The following IL1RAPL1 variants were observed in gnomAD, a reference collection of about 807,000 sequenced individuals.
IL1RAPL1 encodes the protein interleukin 1 receptor accessory protein like 1, also known as interleukin-1 receptor accessory protein-like 1.
Under a neutral mutation model 48.4 loss-of-function variants are expected in IL1RAPL1, and 3 were observed. The ratio of observed to expected loss-of-function variants is 0.06; its 90% CI spans 0.03 to 0.16. The LOEUF is 0.16. IL1RAPL1 is among the 10% of genes least tolerant of loss of function. IL1RAPL1 has a pLI of 1.00. For missense variants in IL1RAPL1, 349 were observed against 530.6 expected (o/e 0.66, Z 3.36); for synonymous variants, 185 against 187.7 (o/e 0.99, Z 0.12).
intron 3 of IL1RAPL1, among the ~76,000 whole-genome samples, chrX:29,371,916 C>CT (rs936720600): frequency 2.7e-5 from 3 of 111,965 alleles, no homozygotes; most frequent in Non-Finnish European, 3.8e-5. Context: ...GTGCATGTGT[C>CT]TTTTTGGTAG....
intron 2 of IL1RAPL1, among the ~76,000 whole-genome samples, chrX:28,920,066 TACA>T (rs771032356): frequency 8.9e-6 from 1 of 112,176 alleles, no homozygotes; most frequent in Admixed American, 9.5e-5. Flanking sequence ...GGATACAATG[TACA>T]ACATCAGATA....
intron 2 of IL1RAPL1, among the ~76,000 whole-genome samples, chrX:29,051,009 C>T (rs1927081217): frequency 8.9e-6 from 1 of 112,445 alleles, no homozygotes; most frequent in Non-Finnish European, 1.9e-5. Context: ...CTTTAAATAA[C>T]ACCATAGAAA....
intron 2 of IL1RAPL1, among the ~76,000 whole-genome samples, chrX:29,176,022 C>T (rs894022689): frequency 1.9e-5 from 2 of 107,126 alleles, no homozygotes; most frequent in East Asian, 5.8e-4. Flanking sequence ...TTATACACAA[C>T]TTGTTAGGCC....
At chrX:28,656,719 T>G (rs1934751133) in intron 1 of IL1RAPL1, among the ~76,000 whole-genome samples, 1 of 111,905 alleles carries the variant, frequency 8.9e-6, no homozygotes, top group Non-Finnish European at 1.9e-5. Context: ...CATTTGCAAT[T>G]ATAAATTTGT....
At chrX:28,687,478 A>T (rs1176741506) in intron 1 of IL1RAPL1, among the ~76,000 whole-genome samples, 2 of 112,447 alleles carry the variant, frequency 1.8e-5, no homozygotes, top group Non-Finnish European at 3.8e-5. Context: ...TTACCAGTGA[A>T]CAACTACTTG....
intron 6 of IL1RAPL1, among the ~76,000 whole-genome samples, chrX:29,727,380 G>A (rs1313463386): frequency 8.9e-6 from 1 of 111,909 alleles, no homozygotes; most frequent in Non-Finnish European, 1.9e-5. Flanking sequence ...TTCCTACTGC[G>A]CTTTATTAAA....
intron 6 of IL1RAPL1, among the ~76,000 whole-genome samples, chrX:29,707,338 G>A (rs1335055291): frequency 8.9e-6 from 1 of 112,016 alleles, no homozygotes; most frequent in Admixed American, 9.5e-5. Context: ...TGCTATTGGT[G>A]GGAATGTAAA....
intron 6 of IL1RAPL1, among the ~76,000 whole-genome samples, chrX:29,884,304 C>G (rs1932093186): frequency 9.0e-6 from 1 of 111,341 alleles, no homozygotes; most frequent in Non-Finnish European, 1.9e-5. Flanking sequence ...CCAGTGACCA[C>G]CATGGTGTTC....
chrX:29,804,925 A>T (rs1162550022), intron 6 of IL1RAPL1, among the ~76,000 whole-genome samples: 8 of 112,437 alleles, frequency 7.1e-5, no homozygotes, highest in Non-Finnish European at 3.8e-5. Context: ...TCTTAAAAAA[A>T]TAATTAAATA....
At chrX:28,951,196 G>A (rs1197405550) in intron 2 of IL1RAPL1, among the ~76,000 whole-genome samples, 6 of 103,601 alleles carry the variant, frequency 5.8e-5, no homozygotes, top group South Asian at 4.8e-4. Flanking sequence ...TGGGTGCAGC[G>A]CACCAGCATG....
chrX:29,241,203 T>C (rs998510213), intron 2 of IL1RAPL1, among the ~76,000 whole-genome samples: 2 of 111,656 alleles, frequency 1.8e-5, no homozygotes, highest in South Asian at 3.7e-4. Context: ...AAGGCAAATA[T>C]ACTATATAGT....
chrX:29,618,667 A>C (rs1472353506), intron 5 of IL1RAPL1, among the ~76,000 whole-genome samples: 1 of 111,748 alleles, frequency 8.9e-6, no homozygotes, highest in Non-Finnish European at 1.9e-5. Flanking sequence ...ATGTGTGATT[A>C]AATTTTGCCC....
intron 5 of IL1RAPL1, among the ~76,000 whole-genome samples, chrX:29,506,053 C>T (rs948903752): frequency 1.8e-5 from 2 of 111,992 alleles, no homozygotes; most frequent in Non-Finnish European, 3.8e-5. Context: ...ATATATTTCT[C>T]AGTGCCAGTA....
intron 6 of IL1RAPL1, among the ~76,000 whole-genome samples, chrX:29,678,342 CTTTTTTTTT>C (rs140827802): frequency 2.4e-5 from 1 of 41,708 alleles, no homozygotes; most frequent in Admixed American, 3.0e-4. Flanking sequence ...TTCAACACTA[CTTTTTTTTT>C]TTTTTTTTTT....
intron 2 of IL1RAPL1, among the ~76,000 whole-genome samples, chrX:29,037,252 T>G (rs1379863324): frequency 4.5e-5 from 5 of 112,084 alleles, no homozygotes; most frequent in Non-Finnish European, 7.5e-5. Context: ...TAGTCTTACC[T>G]CCTTATTTGC....
intron 2 of IL1RAPL1, among the ~76,000 whole-genome samples, chrX:29,168,955 G>GTA (rs139505427): frequency 0.19 from 9,133 of 48,233 alleles, 1,402 homozygotes; most frequent in African/African-American, 0.22. Context: ...ATGTACAATT[G>GTA]TATATATATT....
chrX:29,125,357 C>G (rs1928877397), intron 2 of IL1RAPL1, among the ~76,000 whole-genome samples: 2 of 111,828 alleles, frequency 1.8e-5, no homozygotes, highest in Admixed American at 1.9e-4. Context: ...AAAGGCTGTC[C>G]TAAGTAAATG....
At chrX:29,286,998 G>A (rs1429486881) in intron 3 of IL1RAPL1, among the ~76,000 whole-genome samples, 2 of 110,529 alleles carry the variant, frequency 1.8e-5, no homozygotes, top group Non-Finnish European at 3.8e-5. Flanking sequence ...TATCATAATC[G>A]GGATATTGAC....
chrX:28,774,886 C>T (rs1326393812), intron 1 of IL1RAPL1, among the ~76,000 whole-genome samples: 3 of 111,636 alleles, frequency 2.7e-5, no homozygotes, highest in Non-Finnish European at 3.8e-5. Flanking sequence ...ACTCTCTGAC[C>T]AAACCTGGAA....
Sources: allele counts gnomAD v4.1 joint callset (sites outside exome capture counted in the v4.1 genomes callset), GRCh38; gene constraint gnomAD v4.1.1; transcripts MANE v1.5; gene names NCBI Gene and HGNC (gene_info 2026-07-23, HGNC 2026-07-21).